POR: variants seen among roughly 807,000 people sequenced by gnomAD.
The protein encoded by POR is NADPH--cytochrome P450 reductase.
A neutral mutation model predicts 84.0 loss-of-function variants in POR; 56 were observed. The observed-to-expected ratio is 0.67, with a 90% CI of 0.54 to 0.83. The LOEUF is 0.83. Ranked by LOEUF, POR falls within the 40% of genes least tolerant of loss-of-function variation. POR has a pLI of 0.00. For synonymous variants in POR, 414 were observed against 400.5 expected (o/e 1.03, Z -0.40); for missense variants, 938 against 944.3 (o/e 0.99, Z 0.09).
intron 3 of POR, among the ~76,000 whole-genome samples, chr7:75,977,408 C>G (rs953223864): frequency 6.6e-6 from 1 of 152,214 alleles, no homozygotes; most frequent in Non-Finnish European, 1.5e-5. Context: ...GCTACTTCTA[C>G]AGCTGCCTCT....
chr7:75,985,256 G>A, intron 12 of POR, 49 bp downstream of exon 12: 1 of 1,526,128 alleles, frequency 6.6e-7, no homozygotes, highest in South Asian at 1.2e-5. Context: ...GCCCAGCCCT[G>A]CTCACAGCAG....
intron 2 of POR, among the ~76,000 whole-genome samples, chr7:75,954,448 C>T (rs578142082): frequency 6.6e-6 from 1 of 152,120 alleles, no homozygotes; most frequent in South Asian, 2.1e-4. Context: ...GATTAAGAAC[C>T]GGGGGCTCAA....
intron 1 of POR, among the ~76,000 whole-genome samples, chr7:75,938,972 C>T (rs1807832604): frequency 6.6e-6 from 1 of 152,176 alleles, no homozygotes; most frequent in Admixed American, 6.5e-5. Context: ...CCTCTGGGAG[C>T]CCCTTCCTTG....
intron 1 of POR, among the ~76,000 whole-genome samples, chr7:75,919,711 C>T (rs549798409): frequency 1.3e-3 from 198 of 152,100 alleles, no homozygotes; most frequent in African/African-American, 4.7e-3. Context: ...TTACTCCTGA[C>T]GCTGGTCGGT....
chr7:75,935,530 G>A (rs1352727291), intron 1 of POR, among the ~76,000 whole-genome samples: 1 of 151,892 alleles, frequency 6.6e-6, no homozygotes, highest in Non-Finnish European at 1.5e-5. Flanking sequence ...ATAGGCTTGA[G>A]CCACTGCGCC....
At chr7:75,940,154 G>A (rs1554551345) in intron 1 of POR, among the ~76,000 whole-genome samples, 1 of 152,062 alleles carries the variant, frequency 6.6e-6, no homozygotes, top group Non-Finnish European at 1.5e-5. Flanking sequence ...TGTCATCTTG[G>A]CTCACTGCAG....
At chr7:75,934,122 A>AGT (rs58236447) in intron 1 of POR, among the ~76,000 whole-genome samples, 11,252 of 126,692 alleles carry the variant, frequency 0.089, 561 homozygotes, top group East Asian at 0.22. Context: ...AAGACCTCAG[A>AGT]GTGTGTGTGT....
intron 2 of POR, chr7:75,968,396 G>A (rs1788281407): frequency 2.5e-6 from 1 of 402,564 alleles, no homozygotes; most frequent in Admixed American, 2.7e-5. Flanking sequence ...CCAAAGGAAG[G>A]AATTTGGACT....
At chr7:75,964,650 A>G (rs1433545720) in intron 2 of POR, among the ~76,000 whole-genome samples, 6 of 152,310 alleles carry the variant, frequency 3.9e-5, no homozygotes, top group Admixed American at 3.3e-4. Context: ...CCCAGCTTTA[A>G]AATGACATAA....
At chr7:75,959,258 A>AAAGGTCAT (rs1787827634) in intron 2 of POR, among the ~76,000 whole-genome samples, 1 of 152,176 alleles carries the variant, frequency 6.6e-6, no homozygotes, top group Non-Finnish European at 1.5e-5. Flanking sequence ...AGCTGATACA[A>AAAGGTCAT]CCAGGCCTCA....
intron 14 of POR, 41 bp from the exon 15 acceptor site, chr7:75,986,118 C>T: frequency 1.9e-6 from 3 of 1,584,286 alleles, no homozygotes; most frequent in African/African-American, 1.3e-5. Context: ...GGCAGGGCCA[C>T]AGCCACAGTG....
chr7:75,962,903 C>A (rs781986547), intron 2 of POR, among the ~76,000 whole-genome samples: 1 of 152,208 alleles, frequency 6.6e-6, no homozygotes, highest in African/African-American at 2.4e-5. Flanking sequence ...CATTCCTAAG[C>A]TTCCCTTCCA....
At chr7:75,923,037 G>A (rs1806953180) in intron 1 of POR, 2 of 681,926 alleles carry the variant, frequency 2.9e-6, no homozygotes. Context: ...GCGTCGAAAG[G>A]ATTGATGGTG....
rs1286022895 is a variant in POR at position 75,972,404 on chromosome 7, G to A, written c.189-9G>A. 6.2e-7 allele frequency: 1 copy of A among 1,609,148 alleles called. No homozygotes were observed. The highest frequency in any genetic ancestry group is 1.3e-5 in the African/African-American group (1 of 74,880). ...CCTCCCACGCTCATTGCACACTTTT[G>A]TCTTGCAGGACCTCCTCTGTCAGAG... On this transcript the variant is annotated splice_polypyrimidine_tract_variant and intron_variant, in intron 2 of 15. Coordinates refer to ENST00000461988, the MANE Select transcript of POR (RefSeq NM_000941.3).
chr7:75,927,594 A>G (rs954355061), intron 1 of POR, among the ~76,000 whole-genome samples: 1 of 152,084 alleles, frequency 6.6e-6, no homozygotes, highest in Non-Finnish European at 1.5e-5. Context: ...TGCTTGCACA[A>G]TGGGTGAATA....
In POR at chr7:75,985,598, A is replaced by C. The variant is rs1554559055; in HGVS notation, c.1418A>C (p.His473Pro). 6.4e-7 allele frequency: 1 copy of C among 1,566,256 alleles called. No homozygotes were observed. Among genetic ancestry groups the C allele is most frequent in the Admixed American group, 1.8e-5 (1 of 56,928 alleles). The change falls in exon 13 of 16, where the codon CAC (histidine) becomes CCC (proline). Residue 473 changes from histidine to proline, a missense_variant. Transcript: ENST00000461988. ...CCACAGGTCCACCCCAACTCTGTGC[A>C]CATCTGTGCGGTGGTTGTGGAGTAC...
chr7:75,952,970 C>A (rs868946016), intron 1 of POR, among the ~76,000 whole-genome samples: 2 of 152,078 alleles, frequency 1.3e-5, no homozygotes, highest in Non-Finnish European at 2.9e-5. Context: ...CCAAGGCAGG[C>A]GGCTGGGAGG....
At position 75,957,762 on chromosome 7, in the gene POR, T is replaced by A. The variant is rs558408456; in HGVS notation, c.188+3582T>A. Among the ~76,000 whole-genome samples the A allele has an allele frequency of 3.3e-5, 5 of 152,346 alleles. No homozygotes were observed. The South Asian group carries it at 1.0e-3, about 32-fold the overall frequency. On this transcript the variant is annotated intron_variant, in intron 2 of 15. Transcript: ENST00000461988. Reference sequence around the variant, plus strand: ...ACCTAATCATGATCTTCTAACCTTATGTGTGTGGAGATATGCAGTTTCCAG... The same window carrying A: ...ACCTAATCATGATCTTCTAACCTTAAGTGTGTGGAGATATGCAGTTTCCAG...
At position 75,984,823 on chromosome 7, in the gene POR, C is replaced by T; in HGVS notation, c.1113C>T (p.Arg371=). 1.2e-6 allele frequency: 2 copies of T among 1,612,656 alleles called. No homozygotes were observed. Among genetic ancestry groups the T allele is most frequent in the Non-Finnish European group, 1.7e-6 (2 of 1,179,822 alleles). ...CATTCCCGTGCCCTACGTCCTACCG[C>T]ACGGCCCTCACCTACTACCTGGACA... The change falls in exon 11 of 16, where the codon CGC becomes CGT. Residue 371 remains arginine (R), a synonymous_variant. Coordinates refer to ENST00000461988, the MANE Select transcript of POR (RefSeq NM_000941.3).
Sources: allele counts gnomAD v4.1 joint callset (sites outside exome capture counted in the v4.1 genomes callset), GRCh38; gene constraint gnomAD v4.1.1; transcripts MANE v1.5; gene names NCBI Gene and HGNC (gene_info 2026-07-23, HGNC 2026-07-21).